PCDHB13: variants seen among roughly 807,000 people sequenced by gnomAD.
PCDHB13 encodes protocadherin beta 13, also known as protocadherin beta-13.
For synonymous variants in PCDHB13, 515 were observed against 450.7 expected, an observed-to-expected ratio of 1.14 and a Z score of -1.81; for missense variants, 1,065 against 1,016.7, an observed-to-expected ratio of 1.05 and a Z score of -0.65.
At position 141,215,922 on chromosome 5, in the gene PCDHB13, C is replaced by T; in HGVS notation, c.1799C>T (p.Ala600Val). Residue 600 changes from alanine (A) to valine (V), a missense_variant, in exon 1 of 1, where the codon GCC becomes GTC. Coordinates refer to ENST00000341948, the MANE Select transcript of PCDHB13 (RefSeq NM_018933.4). ...GTGGACGGCGACTCGGGCCAGAACGCCTGGCTGTCGTACCAGCTGCTCAAG... is the reference window on the plus strand; with the variant it reads ...GTGGACGGCGACTCGGGCCAGAACGTCTGGCTGTCGTACCAGCTGCTCAAG... ...VAVDGDSGQN[A>V]WLSYQLLKAT... is the part of the protein sequence containing the mutation. 1 of 1,606,758 alleles carries T rather than the reference C, an allele frequency of 6.2e-7. No individual in the cohort carries two copies. Among genetic ancestry groups the T allele is most frequent in the Non-Finnish European group, 8.5e-7 (1 of 1,179,086 alleles).
In PCDHB13 at chr5:141,213,962, A is replaced by G. The variant is rs1754512874; in HGVS notation, c.-162A>G. 3.3e-6 allele frequency: 2 copies of G among 609,726 alleles called. No individual in the cohort carries two copies. Among genetic ancestry groups the G allele is most frequent in the South Asian group, 2.0e-5 (1 of 49,354 alleles). 37.8% of individuals were successfully genotyped at this position (609,726 alleles called of 1,614,324 possible). ...AAAAAGCAGCAGAACCTGGAAGTCC[A>G]CGGGGAGCTTGGATGCCAAAGGGAG... On this transcript the variant is annotated 5_prime_UTR_variant, in exon 1 of 1. Transcript: ENST00000341948.
In PCDHB13 at chr5:141,214,971, T is replaced by G. The variant is rs781793158; in HGVS notation, c.848T>G (p.Phe283Cys). The G allele has an allele frequency of 6.2e-7, 1 of 1,614,186 alleles. No homozygotes were observed. Among genetic ancestry groups the G allele is most frequent in the South Asian group, 1.1e-5 (1 of 91,076 alleles). ...AACGGAGAGATTTCCTATTCACTTT[T>G]CCAAGCTTCAGAAGAGATTGGCAAA... is the stretch of plus-strand genomic sequence containing the variant. ...GVNGEISYSL[F>C]QASEEIGKTF... Residue 283 changes from phenylalanine (F) to cysteine (C), a missense_variant, in exon 1 of 1, where the codon TTC becomes TGC. Coordinates refer to ENST00000341948, the MANE Select transcript of PCDHB13 (RefSeq NM_018933.4).
rs1471288314 is a variant in PCDHB13 at position 141,215,144 on chromosome 5, G to A, written c.1021G>A (p.Val341Met). ...KCTVLIQVID[V>M]NDHAPEVTMS... ...CACCGTTCTGATTCAAGTGATAGAT[G>A]TGAACGACCATGCCCCAGAAGTTAC... The change falls in exon 1 of 1, where the codon GTG (valine) becomes ATG (methionine). Residue 341 changes from valine (V) to methionine (M), a missense_variant. Coordinates refer to ENST00000341948, the MANE Select transcript of PCDHB13 (RefSeq NM_018933.4). The A allele has an allele frequency of 6.2e-7, 1 of 1,614,188 alleles. No homozygotes were observed. Among genetic ancestry groups the A allele is most frequent in the Non-Finnish European group, 8.5e-7 (1 of 1,180,040 alleles).
chr5:141,216,750 C>A lies in PCDHB13; in HGVS notation c.*230C>A. The A allele has an allele frequency of 4.9e-6, 3 of 615,344 alleles. No homozygotes were observed. Among genetic ancestry groups the A allele is most frequent in the Non-Finnish European group, 8.9e-6 (3 of 336,252 alleles). 38.1% of individuals were successfully genotyped at this position (615,344 alleles called of 1,614,324 possible). A position where few individuals can be genotyped will look rare whatever the true frequency, so the allele number is the denominator to read the frequency against. On this transcript the variant is annotated 3_prime_UTR_variant, in exon 1 of 1. Coordinates refer to ENST00000341948, the MANE Select transcript of PCDHB13 (RefSeq NM_018933.4). The stretch of plus-strand genomic sequence containing the variant: ...TCTTAATTTGTAATTAATTTGCCTC[C>A]CTAAAGAGCAATACCAAATCACATT...
In PCDHB13 at chr5:141,215,572, C is replaced by A. The variant is rs782266868; in HGVS notation, c.1449C>A (p.Asn483Lys). The A allele has an allele frequency of 8.7e-6, 14 of 1,613,570 alleles. No individual in the cohort carries two copies. Among genetic ancestry groups the A allele is most frequent in the South Asian group, 6.6e-5 (6 of 91,054 alleles). The change falls in exon 1 of 1, where the codon AAC becomes AAA. Residue 483 changes from asparagine to lysine, a missense_variant. Coordinates refer to ENST00000341948, the MANE Select transcript of PCDHB13 (RefSeq NM_018933.4). ...VSATDRDSGT[N>K]AQVTYSLLPP... is the part of the protein sequence containing the mutation. Reference sequence around the variant, plus strand: ...CTACAGACAGAGACTCAGGCACCAACGCCCAGGTCACCTACTCGCTGCTGC... The same window carrying A: ...CTACAGACAGAGACTCAGGCACCAAAGCCCAGGTCACCTACTCGCTGCTGC...
chr5:141,215,731 C>A lies in PCDHB13; in HGVS notation c.1608C>A (p.His536Gln). The change falls in exon 1 of 1, where the codon CAC becomes CAA. Residue 536 changes from histidine (H) to glutamine (Q), a missense_variant. Coordinates refer to ENST00000341948, the MANE Select transcript of PCDHB13 (RefSeq NM_018933.4). The stretch of plus-strand genomic sequence containing the variant: ...AGTTCCGCGTGGGCGCTTCAGACCA[C>A]GGCTCCCCGGCGCTGAGCAGCGAGG... ...GFQFRVGASDHGSPALSSEAL... is the reference protein window; with the variant it reads ...GFQFRVGASDQGSPALSSEAL... The A allele has an allele frequency of 6.2e-7, 1 of 1,612,194 alleles. No individual in the cohort carries two copies.
chr5:141,214,514 T>C lies in PCDHB13; in HGVS notation c.391T>C (p.Ser131Pro), dbSNP rs1554287625. The C allele has an allele frequency of 5.0e-6, 8 of 1,611,822 alleles. No homozygotes were observed. In the Admixed American group the frequency reaches 1.2e-4, roughly 24 times the overall value. The change falls in exon 1 of 1, where the codon TCT becomes CCT. Residue 131 changes from serine (S) to proline (P), a missense_variant. Physicochemically the swap from Ser to Pro is moderately conservative, Grantham distance 74. Transcript: ENST00000341948. ...GCAAGTAATAGACATAAACGACCAC[T>C]CTCCAGTATTTCTGGACAAACAAAT... ...ELQVIDINDH[S>P]PVFLDKQMLV...
chr5:141,216,101 G>A lies in PCDHB13; in HGVS notation c.1978G>A (p.Val660Met), dbSNP rs782461778. Residue 660 changes from valine to methionine, a missense_variant, in exon 1 of 1, where the codon GTG (valine) becomes ATG (methionine). Val to Met is a conservative substitution (Grantham distance 21). Coordinates refer to ENST00000341948, the MANE Select transcript of PCDHB13 (RefSeq NM_018933.4). ...GCGCTCGGCCACCGCCACGCTGCAC[G>A]TGCTCCTGGTGGACGGCTTCTCCCA... is the stretch of plus-strand genomic sequence containing the variant. ...PPRSATATLH[V>M]LLVDGFSQPY... is the part of the protein sequence containing the mutation. 6.2e-7 allele frequency: 1 copy of A among 1,608,344 alleles called. No individual in the cohort carries two copies.
Position 141,217,117 on chromosome 5 carries a change from C to A in PCDHB13, c.*597C>A. On this transcript the variant is annotated 3_prime_UTR_variant, in exon 1 of 1. Coordinates refer to ENST00000341948, the MANE Select transcript of PCDHB13 (RefSeq NM_018933.4). ...TTCATCCTGGAGAGGATTGTGCAGG[C>A]ACATTAATATTGTGACCAATCACAG... 1 of 169,916 alleles carries A rather than the reference C, an allele frequency of 5.9e-6. No homozygotes were observed. The highest frequency in any genetic ancestry group is 1.4e-5 in the Non-Finnish European group (1 of 70,194). The allele number at this position is 169,916 out of a possible 1,614,324, so 10.5% of individuals were successfully genotyped here.
chr5:141,216,582 A>G lies in PCDHB13; in HGVS notation c.*62A>G, dbSNP rs1333243314. The G allele has an allele frequency of 1.5e-6, 2 of 1,299,086 alleles. No individual in the cohort carries two copies. Among genetic ancestry groups the G allele is most frequent in the African/African-American group, 2.9e-5 (2 of 68,674 alleles). The allele number at this position is 1,299,086 out of a possible 1,614,324, so 80.5% of individuals were successfully genotyped here. On this transcript the variant is annotated 3_prime_UTR_variant, in exon 1 of 1. Coordinates refer to ENST00000341948, the MANE Select transcript of PCDHB13 (RefSeq NM_018933.4). The stretch of plus-strand genomic sequence containing the variant: ...TTGTGGCATTTCCATGCCAATGTTT[A>G]TTTCCCCCAATTTGTGTGTATGTAA...
Position 141,214,731 on chromosome 5 carries a change from G to A in PCDHB13, c.608G>A (p.Arg203Gln). Residue 203 changes from arginine to glutamine, a missense_variant, in exon 1 of 1, where the codon CGA becomes CAA. Transcript: ENST00000341948. Reference protein sequence around the residue: ...PELVLDKALDREEEAELRLTL... With the variant: ...PELVLDKALDQEEEAELRLTL... Reference sequence around the variant, plus strand: ...CTGGTGCTGGACAAAGCGCTGGACCGAGAGGAAGAAGCTGAGCTCAGGTTA... The same window carrying A: ...CTGGTGCTGGACAAAGCGCTGGACCAAGAGGAAGAAGCTGAGCTCAGGTTA... 6.2e-7 allele frequency: 1 copy of A among 1,614,130 alleles called. No homozygotes were observed. Among genetic ancestry groups the A allele is most frequent in the South Asian group, 1.1e-5 (1 of 91,084 alleles).
Position 141,215,610 on chromosome 5 carries a change from C to T in PCDHB13, c.1487C>T (p.Pro496Leu), listed in dbSNP as rs140037938. Residue 496 changes from proline to leucine, a missense_variant, in exon 1 of 1, where the codon CCG becomes CTG. Transcript: ENST00000341948. Reference sequence around the variant, plus strand: ...TACTCGCTGCTGCCGCCCCAGGACCCGCACCTGCCCCTCACATCCCTGGTC... The same window carrying T: ...TACTCGCTGCTGCCGCCCCAGGACCTGCACCTGCCCCTCACATCCCTGGTC... ...VTYSLLPPQD[P>L]HLPLTSLVSI... 14 of 1,613,364 alleles carry T rather than the reference C, an allele frequency of 8.7e-6. No homozygotes were observed. The highest frequency in any genetic ancestry group is 1.1e-5 in the Non-Finnish European group (13 of 1,180,020).
chr5:141,216,476 G>A lies in PCDHB13; in HGVS notation c.2353G>A (p.Gly785Arg). Reference protein sequence around the residue: ...PPQCPGKEIQGNSTFPNNFGF... With the variant: ...PPQCPGKEIQRNSTFPNNFGF... ...CCAGTGCCCTGGGAAAGAAATACAAGGAAATTCTACCTTCCCCAATAACTT... is the reference window on the plus strand; with the variant it reads ...CCAGTGCCCTGGGAAAGAAATACAAAGAAATTCTACCTTCCCCAATAACTT... The change falls in exon 1 of 1, where the codon GGA becomes AGA. Residue 785 changes from glycine (G) to arginine (R), a missense_variant. Transcript: ENST00000341948. The A allele has an allele frequency of 6.2e-7, 1 of 1,614,008 alleles. No individual in the cohort carries two copies. Among genetic ancestry groups the A allele is most frequent in the Non-Finnish European group, 8.5e-7 (1 of 1,179,980 alleles).
At position 141,216,344 on chromosome 5, in the gene PCDHB13, G is replaced by C; in HGVS notation, c.2221G>C (p.Gly741Arg). The stretch of plus-strand genomic sequence containing the variant: ...TCCAGGGCATCTTGTGGACATGAGC[G>C]GCACCAGGACCCTATCCCAGAGCTA... ...PLPGHLVDMS[G>R]TRTLSQSYQY... The change falls in exon 1 of 1, where the codon GGC becomes CGC. Residue 741 changes from glycine to arginine, a missense_variant. Transcript: ENST00000341948. 6.2e-7 allele frequency: 1 copy of C among 1,614,180 alleles called. No homozygotes were observed. The highest frequency in any genetic ancestry group is 8.5e-7 in the Non-Finnish European group (1 of 1,180,034).
In PCDHB13 at chr5:141,215,716, G is replaced by A. The variant is rs782776539; in HGVS notation, c.1593G>A (p.Val531=). 3.9e-5 allele frequency: 63 copies of A among 1,612,490 alleles called. 2 individuals carry two copies. In the South Asian group the frequency reaches 6.8e-4, roughly 17 times the overall value. The change falls in exon 1 of 1, where the codon GTG becomes GTA. Residue 531 remains valine, a synonymous_variant. Coordinates refer to ENST00000341948, the MANE Select transcript of PCDHB13 (RefSeq NM_018933.4). ...YEALQGFQFR[V]GASDHGSPAL... ...CCCTGCAGGGGTTCCAGTTCCGCGT[G>A]GGCGCTTCAGACCACGGCTCCCCGG...
In PCDHB13 at chr5:141,216,428, C is replaced by G. The variant is rs782696937; in HGVS notation, c.2305C>G (p.Pro769Ala). 11 of 1,614,040 alleles carry G rather than the reference C, an allele frequency of 6.8e-6. No individual in the cohort carries two copies. Among genetic ancestry groups the G allele is most frequent in the East Asian group, 6.7e-5 (3 of 44,874 alleles). Residue 769 changes from proline (P) to alanine (A), a missense_variant, in exon 1 of 1, where the codon CCG (proline) becomes GCG (alanine). Pro to Ala is a conservative substitution (Grantham distance 27). Transcript: ENST00000341948. ...GACCAATGAGTTCAAGTTCCTGAAG[C>G]CGATTATCCCCAACTTCCCTCCCCA... ...SGTNEFKFLK[P>A]IIPNFPPQCP... is the part of the protein sequence containing the mutation.
Position 141,215,800 on chromosome 5 carries a change from C to A in PCDHB13, c.1677C>A (p.Pro559=). ...TGCTGGACGCCAACGACAACTCGCC[C>A]TTCGTGCTGTACCCGCTGCAGAACG... is the stretch of plus-strand genomic sequence containing the variant. ...VVVLDANDNS[P]FVLYPLQNGS... The change falls in exon 1 of 1, where the codon CCC becomes CCA. Residue 559 remains proline (P), a synonymous_variant. Transcript: ENST00000341948. The A allele has an allele frequency of 6.2e-7, 1 of 1,611,528 alleles. No individual in the cohort carries two copies. The highest frequency in any genetic ancestry group is 8.5e-7 in the Non-Finnish European group (1 of 1,179,658).
At position 141,216,587 on chromosome 5, in the gene PCDHB13, C is replaced by T. The variant is rs568059727; in HGVS notation, c.*67C>T. The T allele has an allele frequency of 1.9e-4, 251 of 1,294,338 alleles. 1 individual carries two copies. In the African/African-American group the frequency reaches 3.4e-3, roughly 17 times the overall value. 80.2% of individuals were successfully genotyped at this position (1,294,338 alleles called of 1,614,324 possible). ...GCATTTCCATGCCAATGTTTATTTC[C>T]CCCAATTTGTGTGTATGTAATATTG... On this transcript the variant is annotated 3_prime_UTR_variant, in exon 1 of 1. Transcript: ENST00000341948.
In PCDHB13 at chr5:141,215,311, C is replaced by T. The variant is rs1754565468; in HGVS notation, c.1188C>T (p.Ser396=). 1.2e-6 allele frequency: 2 copies of T among 1,614,030 alleles called. No homozygotes were observed. Among genetic ancestry groups the T allele is most frequent in the Non-Finnish European group, 1.7e-6 (2 of 1,180,014 alleles). Residue 396 remains serine (S), a synonymous_variant, in exon 1 of 1, where the codon TCC becomes TCT. Transcript: ENST00000341948. ...AGGATCTACCCTTCCTCCTGAAATC[C>T]GCGGAAAACTTTTACACCCTACTAA... The part of the protein sequence containing the change: ...IQEDLPFLLK[S]AENFYTLLTE...
Sources: allele counts gnomAD v4.1 joint callset, GRCh38; gene constraint gnomAD v4.1.1; transcripts MANE v1.5; gene names NCBI Gene and HGNC (gene_info 2026-07-23, HGNC 2026-07-21).